Variants in ACAP2 observed in about 807,000 individuals in gnomAD.
ACAP2 encodes ArfGAP with coiled-coil, ankyrin repeat and PH domains 2.
In ACAP2, 39 loss-of-function variants were observed where a neutral mutation model predicts 115.8. That is an observed-to-expected ratio of 0.34 (90% confidence interval 0.26 to 0.44). The LOEUF is 0.44. Among genes scored for constraint, ACAP2 ranks in the 20% least tolerant of loss-of-function variants. The probability of loss-of-function intolerance (pLI) is 1.00; values close to 1 mark genes in which losing one functional copy is unlikely to be tolerated. For synonymous variants in ACAP2, 289 were observed against 315.8 expected (o/e 0.92, Z 0.90); for missense variants, 662 against 927.6 (o/e 0.71, Z 3.72).
chr3:195,315,072 C>T (rs1017418294), intron 10 of ACAP2, among the ~76,000 whole-genome samples: 13 of 152,208 alleles, frequency 8.5e-5, no homozygotes, highest in Non-Finnish European at 1.5e-4. Flanking sequence ...GGAGTGCAGA[C>T]GCACAATGCA....
At chr3:195,434,229 TG>T (rs1274376024) in intron 1 of ACAP2, among the ~76,000 whole-genome samples, 2 of 150,992 alleles carry the variant, frequency 1.3e-5, no homozygotes, top group African/African-American at 4.9e-5. Context: ...ATGTTTGGCC[TG>T]GTTTTGTTTT....
chr3:195,354,803 C>G (rs1020716836), intron 4 of ACAP2, among the ~76,000 whole-genome samples: 5 of 152,156 alleles, frequency 3.3e-5, no homozygotes, highest in African/African-American at 1.2e-4. Flanking sequence ...ATTAAATTTT[C>G]TATACACTTG....
chr3:195,436,029 G>A (rs1256832673), intron 1 of ACAP2, among the ~76,000 whole-genome samples: 3 of 151,642 alleles, frequency 2.0e-5, no homozygotes, highest in African/African-American at 7.3e-5. Context: ...TCAGCTAAGT[G>A]AATATATATT....
chr3:195,356,220 C>T (rs1421796230), intron 4 of ACAP2: 2 of 456,268 alleles, frequency 4.4e-6, no homozygotes, highest in African/African-American at 4.0e-5. Context: ...TGTGGGACTA[C>T]AAGCCGGAAC....
At chr3:195,317,145 G>A (rs1729148784) in intron 10 of ACAP2, among the ~76,000 whole-genome samples, 1 of 151,808 alleles carries the variant, frequency 6.6e-6, no homozygotes, top group African/African-American at 2.4e-5. Flanking sequence ...TGATTCACCT[G>A]CCCCAGCCTC....
intron 1 of ACAP2, among the ~76,000 whole-genome samples, chr3:195,417,161 G>A (rs755604493): frequency 2.7e-5 from 4 of 147,302 alleles, no homozygotes; most frequent in Non-Finnish European, 5.9e-5. Flanking sequence ...TGAACTCCTG[G>A]CCTCGAGCAG....
At chr3:195,316,701 T>C (rs1729111400) in intron 10 of ACAP2, among the ~76,000 whole-genome samples, 3 of 151,984 alleles carry the variant, frequency 2.0e-5, no homozygotes, top group Admixed American at 6.6e-5. Context: ...GTCCACCACA[T>C]GTATTATTTT....
intron 13 of ACAP2, among the ~76,000 whole-genome samples, chr3:195,304,163 C>CAAAAAAAAAAAAAAAA (rs56055597): frequency 1.6e-5 from 1 of 63,278 alleles, no homozygotes; most frequent in Non-Finnish European, 2.6e-5. Context: ...GACTCCATCT[C>CAAAAAAAAAAAAAAAA]AAAAAAAAAA....
At chr3:195,348,155 A>AG (rs1483632633) in intron 4 of ACAP2, among the ~76,000 whole-genome samples, 5 of 152,098 alleles carry the variant, frequency 3.3e-5, no homozygotes, top group African/African-American at 1.2e-4. Flanking sequence ...GCATGGATAG[A>AG]GGGAAGGATA....
At chr3:195,360,339 A>G (rs1198663491) in intron 4 of ACAP2, among the ~76,000 whole-genome samples, 1 of 152,264 alleles carries the variant, frequency 6.6e-6, no homozygotes, top group Admixed American at 6.5e-5. Flanking sequence ...GTATAATTAT[A>G]TATGTACCAA....
rs1411528619 is a variant in ACAP2, at chr3:195,306,958, GATTTC to G, written c.1010+260_1010+264del. 5 of 349,336 alleles carry G rather than the reference GATTTC, an allele frequency of 1.4e-5. No individual in the cohort carries two copies. The East Asian group carries it at 2.2e-4, about 15-fold the overall frequency. The allele number at this position is 349,336 out of a possible 1,614,324, so 21.6% of individuals were successfully genotyped here. ...TGATAGTTATCAAAGAAACTCATAT[GATTTC>G]AATTCATCATAATAGCTAAAACTTT... On this transcript the variant is annotated intron_variant, in intron 12 of 22. Coordinates refer to ENST00000326793, the MANE Select transcript of ACAP2 (RefSeq NM_012287.6).
rs879935523 is a variant in ACAP2, at chr3:195,282,423, ACATT to A, written c.2237-2999_2237-2996del. Reference sequence around the variant, plus strand: ...TTGTTAACATTTAGTTTCTAACAAAACATTAATTAATGCACTGTTAATGTACTAC... The same window carrying A: ...TTGTTAACATTTAGTTTCTAACAAAAAATTAATGCACTGTTAATGTACTAC... On this transcript the variant is annotated intron_variant, in intron 22 of 22. Coordinates refer to ENST00000326793, the MANE Select transcript of ACAP2 (RefSeq NM_012287.6). The A allele has an allele frequency of 2.6e-5, 4 of 152,370 alleles. No homozygotes were observed. The East Asian group carries it at 7.7e-4, about 29-fold the overall frequency. 9.4% of individuals were successfully genotyped at this position (152,370 alleles called of 1,614,324 possible).
chr3:195,441,426 T>A (rs1486706664), intron 1 of ACAP2, among the ~76,000 whole-genome samples: 2 of 152,174 alleles, frequency 1.3e-5, no homozygotes, highest in Non-Finnish European at 2.9e-5. Context: ...AGGAAGTGGG[T>A]TTTTTTAAAT....
chr3:195,439,191 C>CTTTTT (rs3072388), intron 1 of ACAP2, among the ~76,000 whole-genome samples: 1 of 133,276 alleles, frequency 7.5e-6, no homozygotes, highest in Non-Finnish European at 1.6e-5. Context: ...AGGCTAAGGC[C>CTTTTT]TTTTTTTTTT....
At position 195,292,447 on chromosome 3, in the gene ACAP2, C is replaced by T. The variant is rs146659946; in HGVS notation, c.1771G>A (p.Glu591Lys). ...AGAAACATAGAAGAATCTTGCCTTT[C>T]TCCTTCTGAAAAGCAAACACATACA... is the stretch of plus-strand genomic sequence containing the variant. ...SANSLYEPEGERQDSSMFLDS... is the reference protein window; with the variant it reads ...SANSLYEPEGKRQDSSMFLDS... Residue 591 changes from glutamate to lysine, a missense_variant, in exon 19 of 23, where the codon GAA becomes AAA. Glu to Lys is a moderately conservative substitution (Grantham distance 56, BLOSUM62 1). Transcript: ENST00000326793. 177 of 1,600,170 alleles carry T rather than the reference C, an allele frequency of 1.1e-4. No homozygotes were observed. The African/African-American group carries it at 2.2e-3, about 20-fold the overall frequency.
intron 20 of ACAP2, among the ~76,000 whole-genome samples, chr3:195,290,849 T>TAAATAAATAATAAATAAATA (rs1553843260): frequency 7.5e-6 from 1 of 134,192 alleles, no homozygotes; most frequent in African/African-American, 2.9e-5. Context: ...AATAAATAAA[T>TAAATAAATAATAAATAAATA]AATAAATAAA....
intron 1 of ACAP2, among the ~76,000 whole-genome samples, chr3:195,410,534 G>C (rs1044940156): frequency 1.2e-4 from 18 of 152,120 alleles, no homozygotes; most frequent in African/African-American, 3.9e-4. Context: ...AGATTACACA[G>C]AGAACTCCTA....
intron 1 of ACAP2, among the ~76,000 whole-genome samples, chr3:195,406,501 A>T (rs181477987): frequency 2.0e-5 from 3 of 152,278 alleles, no homozygotes; most frequent in Admixed American, 2.0e-4. Context: ...TAATATTACC[A>T]TCTAAATAAC....
At chr3:195,414,351 C>T (rs1713542237) in intron 1 of ACAP2, among the ~76,000 whole-genome samples, 1 of 152,156 alleles carries the variant, frequency 6.6e-6, no homozygotes, top group South Asian at 2.1e-4. Context: ...TAATGTGATC[C>T]TCCTGCCTCA....
Sources: allele counts gnomAD v4.1 joint callset (sites outside exome capture counted in the v4.1 genomes callset), GRCh38; gene constraint gnomAD v4.1.1; transcripts MANE v1.5; gene names NCBI Gene and HGNC (gene_info 2026-07-23, HGNC 2026-07-21).